Variants in ANKRD62 observed in about 807,000 individuals in gnomAD.
ANKRD62 encodes ankyrin repeat domain-containing protein 62.
ANKRD62 carries 61 observed loss-of-function variants against 98.8 expected under a neutral mutation model. The observed-to-expected ratio is 0.62, with a 90% confidence interval of 0.50 to 0.76. ANKRD62 has a LOEUF of 0.76. Ranked by LOEUF, ANKRD62 falls within the 30% of genes least tolerant of loss-of-function variation. ANKRD62 has a pLI of 0.00. For synonymous variants in ANKRD62, 341 were observed against 367.9 expected, an observed-to-expected ratio of 0.93 and a Z score of 0.84; for missense variants, 933 against 1,082.9, an observed-to-expected ratio of 0.86 and a Z score of 1.94.
intron 10 of ANKRD62, among the ~76,000 whole-genome samples, chr18:12,116,080 GT>G (rs1260429854): frequency 2.6e-5 from 4 of 152,060 alleles, no homozygotes; most frequent in Non-Finnish European, 4.4e-5. Flanking sequence ...CCTACAATCA[GT>G]AGCTTCAGTG....
At chr18:12,141,161 G>C in the ANKRD62 span, among the ~76,000 whole-genome samples, 2 of 152,256 alleles carry the variant, frequency 1.3e-5, no homozygotes, top group African/African-American at 4.8e-5. Flanking sequence ...GCCATGTGTG[G>C]GATATAATCT....
chr18:12,145,234 T>A, the ANKRD62 span, among the ~76,000 whole-genome samples: 1 of 152,136 alleles, frequency 6.6e-6, no homozygotes, highest in South Asian at 2.1e-4. Context: ...GTGGCAAAGA[T>A]GTTGGCCTGC....
chr18:12,113,242 T>C (rs1466194694), intron 8 of ANKRD62, among the ~76,000 whole-genome samples: 1 of 151,904 alleles, frequency 6.6e-6, no homozygotes, highest in African/African-American at 2.4e-5. Context: ...TCAACAAACA[T>C]GGAAAAAAAG....
At chr18:12,168,726 AGTAT>A in the ANKRD62 span, among the ~76,000 whole-genome samples, 1,698 of 152,336 alleles carry the variant, frequency 0.011, 31 homozygotes, top group African/African-American at 0.039. Context: ...TACCTTGGGC[AGTAT>A]GGCCATTTTC....
downstream of ANKRD62, among the ~76,000 whole-genome samples, chr18:12,132,272 G>GA (rs1910017190): frequency 6.6e-6 from 1 of 152,062 alleles, no homozygotes; most frequent in African/African-American, 2.4e-5. Context: ...TATTGATCAT[G>GA]TATCCTGCAA....
At position 12,093,940 on chromosome 18, in the gene ANKRD62, C is replaced by T; in HGVS notation, c.-78C>T. 6 of 1,419,104 alleles carry T rather than the reference C, an allele frequency of 4.2e-6. No individual in the cohort carries two copies. The highest frequency in any genetic ancestry group is 5.7e-6 in the Non-Finnish European group (6 of 1,045,084). The allele number at this position is 1,419,104 out of a possible 1,614,324, so 87.9% of individuals were successfully genotyped here. On this transcript the variant is annotated 5_prime_UTR_variant, in exon 1 of 14. Coordinates refer to ENST00000587848, the MANE Select transcript of ANKRD62 (RefSeq NM_001277333.2). ...CTGGTTACGTGCTGGTGCTGCGCTC[C>T]AGAGAGGCAGAAAACGAGTGGGAGC...
At chr18:12,171,822 G>A in the ANKRD62 span, among the ~76,000 whole-genome samples, 1 of 152,100 alleles carries the variant, frequency 6.6e-6, no homozygotes, top group Non-Finnish European at 1.5e-5. Flanking sequence ...TTATTTCTTG[G>A]AGGCTTTGTT....
At chr18:12,102,541 T>A in intron 6 of ANKRD62, 1 of 323,840 alleles carries the variant, frequency 3.1e-6, no homozygotes, top group South Asian at 3.5e-5. Context: ...GGTTAAAACA[T>A]AAACTCGCTT....
At chr18:12,122,078 G>T (rs1413309001) in intron 10 of ANKRD62, among the ~76,000 whole-genome samples, 4 of 152,124 alleles carry the variant, frequency 2.6e-5, no homozygotes, top group African/African-American at 9.7e-5. Context: ...ATTTGTAATT[G>T]TCACATTTTT....
chr18:12,156,054 T>C, the ANKRD62 span, among the ~76,000 whole-genome samples: 1 of 151,702 alleles, frequency 6.6e-6, no homozygotes, highest in Admixed American at 6.6e-5. Flanking sequence ...TCTCTCTCTC[T>C]CTCTTTCTCT....
intron 8 of ANKRD62, among the ~76,000 whole-genome samples, chr18:12,113,131 G>A (rs1381032244): frequency 1.3e-5 from 2 of 152,076 alleles, no homozygotes; most frequent in African/African-American, 4.8e-5. Context: ...CTGACCTCAG[G>A]TAATCTGCCC....
chr18:12,126,687 A>G (rs1465846502), intron 13 of ANKRD62, among the ~76,000 whole-genome samples: 1 of 152,228 alleles, frequency 6.6e-6, no homozygotes, highest in African/African-American at 2.4e-5. Flanking sequence ...TGATGTCTGT[A>G]TGTTGCCACA....
intron 10 of ANKRD62, among the ~76,000 whole-genome samples, chr18:12,116,906 C>A (rs546950321): frequency 6.6e-6 from 1 of 152,180 alleles, no homozygotes; most frequent in South Asian, 2.1e-4. Flanking sequence ...TGGATGTCTG[C>A]ATTTATATGT....
chr18:12,139,109 T>C, the ANKRD62 span, among the ~76,000 whole-genome samples: 5 of 152,132 alleles, frequency 3.3e-5, no homozygotes, highest in African/African-American at 1.2e-4. Flanking sequence ...GTTATTTTGC[T>C]CGTTAGTTGA....
chr18:12,160,563 C>T, the ANKRD62 span, among the ~76,000 whole-genome samples: 1 of 152,120 alleles, frequency 6.6e-6, no homozygotes, highest in East Asian at 1.9e-4. Context: ...ACTGACTGCC[C>T]TTTAGAGGTT....
intron 6 of ANKRD62, chr18:12,101,918 G>T: frequency 1.3e-6 from 1 of 771,808 alleles, no homozygotes; most frequent in South Asian, 1.4e-5. Context: ...CTTCCTTATT[G>T]TGAGTTGAAT....
intron 11 of ANKRD62, among the ~76,000 whole-genome samples, chr18:12,122,834 A>G (rs1239049776): frequency 1.3e-5 from 2 of 152,184 alleles, no homozygotes; most frequent in African/African-American, 4.8e-5. Context: ...TTACAGATCC[A>G]TAGTTTTCTA....
At chr18:12,158,924 A>G in the ANKRD62 span, among the ~76,000 whole-genome samples, 2 of 152,104 alleles carry the variant, frequency 1.3e-5, no homozygotes, top group African/African-American at 2.4e-5. Context: ...GGAAGTGAAT[A>G]TATATGATTT....
rs1387486935 is a variant in ANKRD62, at chr18:12,127,770, G to T, written c.2585G>T (p.Arg862Leu). The T allele has an allele frequency of 6.3e-6, 9 of 1,435,034 alleles. No homozygotes were observed. The highest frequency in any genetic ancestry group is 5.6e-5 in the Admixed American group (2 of 35,404). 88.9% of individuals were successfully genotyped at this position (1,435,034 alleles called of 1,614,324 possible). A position where few individuals can be genotyped will look rare whatever the true frequency, so the allele number is the denominator to read the frequency against. ...EREVVRRQLQ[R>L]EVDDALNKQL... ...CAGGTAGTCAGGAGACAGCTTCAAC[G>T]AGAAGTGGATGATGCCCTGAACAAA... Residue 862 changes from arginine to leucine, a missense_variant, in exon 14 of 14, where the codon CGA becomes CTA. Physicochemically the swap from Arg to Leu is moderately radical, Grantham distance 102. Around this residue, in one of 3 missense-constraint regions of ANKRD62, gnomAD observed 362 missense variants for 434.5 expected, o/e 0.83. Transcript: ENST00000587848.
Sources: allele counts gnomAD v4.1 joint callset (sites outside exome capture counted in the v4.1 genomes callset), GRCh38; gene constraint gnomAD v4.1.1; regional missense constraint gnomAD v4.1.1; transcripts MANE v1.5; gene names NCBI Gene and HGNC (gene_info 2026-07-23, HGNC 2026-07-21).